CCDC7: variants seen among roughly 807,000 people sequenced by gnomAD.
CCDC7 encodes the protein coiled-coil domain containing 7.
CCDC7 carries 183 observed loss-of-function variants against 196.9 expected under a neutral mutation model. The ratio of observed to expected loss-of-function variants is 0.93; its 90% CI spans 0.82 to 1.05. The LOEUF (loss-of-function observed/expected upper bound fraction) is 1.05. CCDC7 is among the 50% of genes least tolerant of loss of function. The pLI is 0.00. For synonymous variants in CCDC7, 525 were observed against 484.6 expected (o/e 1.08, Z -1.10); for missense variants, 1,540 against 1,482.2 (o/e 1.04, Z -0.64).
intron 18 of CCDC7, among the ~76,000 whole-genome samples, chr10:32,633,764 G>A (rs2065228678): frequency 2.1e-5 from 3 of 143,696 alleles, no homozygotes; most frequent in South Asian, 4.5e-4. Context: ...ATATATATAT[G>A]TTTTGGAATT....
chr10:32,846,245 A>T, intron 36 of CCDC7, 131 bp from the exon 38 acceptor site: 2 of 636,710 alleles, frequency 3.1e-6, no homozygotes, highest in Non-Finnish European at 2.8e-6. Context: ...TTACATAGGT[A>T]CCTATATCAT....
At chr10:32,718,049 T>C (rs1176895644) in intron 25 of CCDC7, among the ~76,000 whole-genome samples, 1 of 152,146 alleles carries the variant, frequency 6.6e-6, no homozygotes, top group Non-Finnish European at 1.5e-5. Context: ...AGCAGCATCC[T>C]GATACCAAAA....
At position 32,551,470 on chromosome 10, in the gene CCDC7, TCCTTGAGGTGTGA is replaced by T. The variant is rs1403487325; in HGVS notation, c.1134+7174_1134+7186del. Among the ~76,000 whole-genome samples the T allele has an allele frequency of 1.8e-4, 27 of 152,138 alleles. 1 individual carries two copies. The highest frequency in any genetic ancestry group is 1.8e-3 in the Admixed American group (27 of 15,270). The stretch of plus-strand genomic sequence containing the variant: ...TTTGGTTTGTTCTTGTTTCTCTAGT[TCCTTGAGGTGTGA>T]CCTTAGAGTGTCAGTTTGTGCTTTT... On this transcript the variant is annotated intron_variant, in intron 13 of 41. Transcript: ENST00000639629.
rs567387678 is a variant in CCDC7, at chr10:32,463,438, G to A, written c.510+389G>A. 2.0e-5 allele frequency among the ~76,000 whole-genome samples: 3 copies of A among 152,184 alleles called. No homozygotes were observed. In the South Asian group the frequency reaches 6.2e-4, roughly 32 times the overall value. On this transcript the variant is annotated intron_variant, in intron 5 of 41. Coordinates refer to ENST00000639629, the Ensembl canonical transcript of CCDC7. ...ATGTGTAGACATAAAATTATGTATT[G>A]ATTTTCTATAGATGAAATATGTTAT...
At chr10:32,526,025 C>A (rs2048623309) in intron 11 of CCDC7, among the ~76,000 whole-genome samples, 1 of 152,152 alleles carries the variant, frequency 6.6e-6, no homozygotes, top group African/African-American at 2.4e-5. Flanking sequence ...TTCCCCCAAG[C>A]CCTAAGTGTG....
intron 16 of CCDC7, among the ~76,000 whole-genome samples, chr10:32,580,071 G>A (rs2058600039): frequency 1.3e-5 from 2 of 152,070 alleles, no homozygotes; most frequent in African/African-American, 4.8e-5. Context: ...GTAGGGAAGG[G>A]AGATATTAAC....
chr10:32,718,622 C>T (rs1415709693), intron 25 of CCDC7, among the ~76,000 whole-genome samples: 1 of 152,162 alleles, frequency 6.6e-6, no homozygotes, highest in African/African-American at 2.4e-5. Context: ...ATTTAGAAAA[C>T]CCCATTGTCT....
In CCDC7 at chr10:32,671,210, C is replaced by T. The variant is rs143997041; in HGVS notation, c.2122+7049C>T. Among the ~76,000 whole-genome samples the T allele has an allele frequency of 7.2e-5, 11 of 152,250 alleles. No individual in the cohort carries two copies. The East Asian group carries it at 2.1e-3, about 29-fold the overall frequency. On this transcript the variant is annotated intron_variant, in intron 21 of 41. Transcript: ENST00000639629. ...CACTCACTCAGAGTAACTCTTAGTT[C>T]TGCAAGCTACCTTGATGGTAAGTAT...
chr10:32,624,904 A>G (rs2063801583), intron 18 of CCDC7, among the ~76,000 whole-genome samples: 1 of 148,134 alleles, frequency 6.8e-6, no homozygotes, highest in Admixed American at 6.7e-5. Context: ...TTTTATATTA[A>G]TTGCTTATCA....
intron 31 of CCDC7, among the ~76,000 whole-genome samples, chr10:32,819,765 A>T (rs2089748526): frequency 1.3e-5 from 2 of 152,122 alleles, no homozygotes; most frequent in Non-Finnish European, 2.9e-5. Context: ...AAAATTCAAC[A>T]ACCTTCATGC....
At chr10:32,813,944 C>T (rs954481765) in intron 30 of CCDC7, among the ~76,000 whole-genome samples, 1 of 151,942 alleles carries the variant, frequency 6.6e-6, no homozygotes, top group East Asian at 1.9e-4. Flanking sequence ...TCTATAAATA[C>T]AATTTTTATT....
Position 32,626,160 on chromosome 10 carries a change from G to T in CCDC7, c.1802-8094G>T, listed in dbSNP as rs188061864. Among the ~76,000 whole-genome samples, 133 of 152,076 alleles carry T rather than the reference G, an allele frequency of 8.7e-4. 1 individual carries two copies. The highest frequency in any genetic ancestry group is 2.9e-3 in the African/African-American group (120 of 41,522). Reference sequence around the variant, plus strand: ...AACCTCCATACTGTTTTTAATAGTTGATGTACTAGTTTACATTCCTGCTAA... The same window carrying T: ...AACCTCCATACTGTTTTTAATAGTTTATGTACTAGTTTACATTCCTGCTAA... On this transcript the variant is annotated intron_variant, in intron 18 of 41. Transcript: ENST00000639629.
chr10:32,793,742 T>C (rs2083092777), intron 29 of CCDC7, among the ~76,000 whole-genome samples: 1 of 152,224 alleles, frequency 6.6e-6, no homozygotes, highest in African/African-American at 2.4e-5. Flanking sequence ...ATATTATTGA[T>C]TGTAGTGCAT....
intron 25 of CCDC7, among the ~76,000 whole-genome samples, chr10:32,720,581 A>T (rs977434624): frequency 3.9e-5 from 6 of 152,144 alleles, no homozygotes; most frequent in African/African-American, 9.7e-5. Context: ...ATTATAATTT[A>T]AAAAAGACAA....
At chr10:32,510,419 A>G (rs1307127354) in intron 9 of CCDC7, among the ~76,000 whole-genome samples, 1 of 152,188 alleles carries the variant, frequency 6.6e-6, no homozygotes, top group East Asian at 1.9e-4. Context: ...CTAAGAGGGT[A>G]GGTGTTTTGT....
At chr10:32,757,403 T>C (rs2076647983) in intron 28 of CCDC7, among the ~76,000 whole-genome samples, 1 of 152,154 alleles carries the variant, frequency 6.6e-6, no homozygotes, top group Admixed American at 6.5e-5. Context: ...ACAAACTGTC[T>C]CTCAGACCAC....
chr10:32,828,440 AGAAGAAGAAGAAGAAGAAGAAGAAG>A (rs1454839422), intron 32 of CCDC7, among the ~76,000 whole-genome samples: 9 of 26,472 alleles, frequency 3.4e-4, no homozygotes, highest in Admixed American at 7.9e-4. Context: ...GGAAGGAAGG[AGAAGAAGAAGAAGAAGAAGAAGAAG>A]AGGAAGAGGA....
intron 29 of CCDC7, among the ~76,000 whole-genome samples, chr10:32,791,187 C>T (rs1195841319): frequency 2.0e-5 from 3 of 151,938 alleles, no homozygotes; most frequent in Admixed American, 6.6e-5. Context: ...TACCTGGAAC[C>T]GCAGCCACCA....
chr10:32,814,178 G>A (rs541791526), intron 30 of CCDC7, among the ~76,000 whole-genome samples, 192 bp from the exon 32 acceptor site: 32 of 152,104 alleles, frequency 2.1e-4, no homozygotes, highest in Non-Finnish European at 4.1e-4. Context: ...GGATGGTCTC[G>A]ATCTCTTGAC....
Sources: allele counts gnomAD v4.1 joint callset (sites outside exome capture counted in the v4.1 genomes callset), GRCh38; gene constraint gnomAD v4.1.1; transcripts MANE v1.5; gene names NCBI Gene and HGNC (gene_info 2026-07-23, HGNC 2026-07-21).